SIK3: variants seen among roughly 807,000 people sequenced by gnomAD.
SIK3 encodes the protein SIK family kinase 3, also known as serine/threonine-protein kinase SIK3.
A neutral mutation model predicts 144.2 loss-of-function variants in SIK3; 28 were observed. The ratio of observed to expected loss-of-function variants is 0.19; its 90% CI spans 0.14 to 0.27. SIK3 has a LOEUF of 0.27. Ranked by LOEUF, SIK3 falls within the 10% of genes least tolerant of loss-of-function variation. The probability of loss-of-function intolerance (pLI) is 1.00; values close to 1 mark genes in which losing one functional copy is unlikely to be tolerated. For synonymous variants in SIK3, 686 were observed against 676.3 expected, an observed-to-expected ratio of 1.01 and a Z score of -0.22; for missense variants, 1,319 against 1,776.0, an observed-to-expected ratio of 0.74 and a Z score of 4.62.
At chr11:117,049,596 A>C (rs1432578318) in intron 1 of SIK3, among the ~76,000 whole-genome samples, 2 of 152,080 alleles carry the variant, frequency 1.3e-5, no homozygotes, top group African/African-American at 4.8e-5. Context: ...AGAAAGAAAG[A>C]AGCAAGGAAG....
intron 1 of SIK3, among the ~76,000 whole-genome samples, chr11:116,964,735 G>C (rs981616259): frequency 6.6e-6 from 1 of 152,048 alleles, no homozygotes; most frequent in African/African-American, 2.4e-5. Context: ...ACAAAAATTA[G>C]CCAGGTGTGG....
intron 6 of SIK3, among the ~76,000 whole-genome samples, chr11:116,892,725 C>T (rs1244599910): frequency 2.0e-5 from 3 of 152,146 alleles, no homozygotes; most frequent in Non-Finnish European, 4.4e-5. Flanking sequence ...TAGTGTTTAA[C>T]CAAATGAATT....
intron 1 of SIK3, among the ~76,000 whole-genome samples, chr11:117,057,363 T>C (rs1008471282): frequency 1.3e-5 from 2 of 152,222 alleles, no homozygotes; most frequent in Non-Finnish European, 2.9e-5. Flanking sequence ...AGGGGTTAGA[T>C]TTTGAAATAA....
chr11:116,847,614 G>A lies in SIK3; in HGVS notation c.3820-6C>T, dbSNP rs377170595. 7 of 1,614,006 alleles carry A rather than the reference G, an allele frequency of 4.3e-6. No homozygotes were observed. Among genetic ancestry groups the A allele is most frequent in the African/African-American group, 1.3e-5 (1 of 74,930 alleles). ...GGCAAGTTATCCAGCTGTACCTGCAGAAAACAGTTAAGAGAAGAAATAAGC... is the reference window on the plus strand; with the variant it reads ...GGCAAGTTATCCAGCTGTACCTGCAAAAAACAGTTAAGAGAAGAAATAAGC... On this transcript the variant is annotated splice_polypyrimidine_tract_variant and splice_region_variant and intron_variant, in intron 22 of 24. Coordinates refer to ENST00000445177, the MANE Select transcript of SIK3 (RefSeq NM_001366686.3).
intron 1 of SIK3, among the ~76,000 whole-genome samples, chr11:116,972,019 G>A (rs1359027633): frequency 1.3e-5 from 2 of 151,744 alleles, no homozygotes; most frequent in Admixed American, 6.6e-5. Context: ...CTGGAGGGGC[G>A]GAGGCTGCAG....
Position 116,927,209 on chromosome 11 carries a change from C to G in SIK3, c.616+10G>C, listed in dbSNP as rs750666270. ...TTGTCCCTATCTGACATCCTCAGTACAGTTCTCACCTGCTATTTTGATATT... is the reference window on the plus strand; with the variant it reads ...TTGTCCCTATCTGACATCCTCAGTAGAGTTCTCACCTGCTATTTTGATATT... On this transcript the variant is annotated intron_variant, in intron 4 of 24. Transcript: ENST00000445177. 5 of 1,610,772 alleles carry G rather than the reference C, an allele frequency of 3.1e-6. No individual in the cohort carries two copies. The Admixed American group carries it at 6.7e-5, about 22-fold the overall frequency.
chr11:117,037,020 T>C (rs571638497), intron 1 of SIK3, among the ~76,000 whole-genome samples: 16 of 152,312 alleles, frequency 1.1e-4, no homozygotes, highest in Middle Eastern at 6.8e-3. Flanking sequence ...CTATATATCA[T>C]TTGTTTCTAT....
At chr11:116,945,197 G>A (rs1449539652) in intron 3 of SIK3, among the ~76,000 whole-genome samples, 1 of 151,830 alleles carries the variant, frequency 6.6e-6, no homozygotes, top group Non-Finnish European at 1.5e-5. Context: ...CTGACCTCGT[G>A]ATCCGCCCGC....
intron 9 of SIK3, 195 bp from the exon 10 acceptor site, chr11:116,875,646 C>CA (rs941482792): frequency 4.9e-6 from 4 of 809,998 alleles, no homozygotes; most frequent in East Asian, 2.7e-5. Flanking sequence ...GCTATTTCTT[C>CA]AAAAAAACAA....
At chr11:117,093,722 G>A (rs141365214) in intron 1 of SIK3, among the ~76,000 whole-genome samples, 94 of 151,214 alleles carry the variant, frequency 6.2e-4, no homozygotes, top group African/African-American at 1.9e-3. Flanking sequence ...TTAAAATGCT[G>A]ATTTCATGAG....
intron 3 of SIK3, among the ~76,000 whole-genome samples, chr11:116,947,694 T>C (rs1347964571): frequency 4.0e-5 from 6 of 151,472 alleles, no homozygotes; most frequent in African/African-American, 1.2e-4. Flanking sequence ...GCCTCCCAAG[T>C]AGCTGGGACT....
rs1175202553 is a variant in SIK3 at position 117,091,712 on chromosome 11, G to C, written c.273+6431C>G. ...GTTGTTAAAACTGAACTCCTCCCTT[G>C]TGCCAAGAAATGCATCAGAAAAGGA... On this transcript the variant is annotated intron_variant, in intron 1 of 24. Coordinates refer to ENST00000445177, the MANE Select transcript of SIK3 (RefSeq NM_001366686.3). Among the ~76,000 whole-genome samples the C allele has an allele frequency of 2.0e-5, 3 of 152,268 alleles. No homozygotes were observed. The East Asian group carries it at 5.8e-4, about 29-fold the overall frequency.
chr11:117,032,872 C>T lies in SIK3; in HGVS notation c.273+65271G>A, dbSNP rs148235238. On this transcript the variant is annotated intron_variant, in intron 1 of 24. Coordinates refer to ENST00000445177, the MANE Select transcript of SIK3 (RefSeq NM_001366686.3). The stretch of plus-strand genomic sequence containing the variant: ...CAATAGGCTATATATCATTAATGTC[C>T]GTTTATCAGCAGTATAAAATATCTT... 7.9e-5 allele frequency among the ~76,000 whole-genome samples: 12 copies of T among 151,844 alleles called. No individual in the cohort carries two copies. The East Asian group carries it at 1.9e-3, about 24-fold the overall frequency.
Position 116,846,573 on chromosome 11 carries a change from G to A in SIK3, c.3953-20C>T, listed in dbSNP as rs555198006. On this transcript the variant is annotated intron_variant, in intron 23 of 24. Transcript: ENST00000445177. The surrounding 1 kb of genome is among the most constrained non-coding windows in gnomAD (Gnocchi z 4.1). ...CACATTCTGCAAGACCAAAAAGAACGTATGAGGTTGGCAGGGAACTGGGGG... is the reference window on the plus strand; with the variant it reads ...CACATTCTGCAAGACCAAAAAGAACATATGAGGTTGGCAGGGAACTGGGGG... The A allele has an allele frequency of 8.2e-5, 133 of 1,613,924 alleles. No individual in the cohort carries two copies. Among genetic ancestry groups the A allele is most frequent in the Non-Finnish European group, 1.0e-4 (118 of 1,179,898 alleles).
chr11:117,035,957 A>C, intron 1 of SIK3: 1 of 1,584,056 alleles, frequency 6.3e-7, no homozygotes, highest in Non-Finnish European at 8.6e-7. Flanking sequence ...CACATCCATG[A>C]AGCAGGAATT....
Position 117,093,709 on chromosome 11 carries a change from GT to G in SIK3, c.273+4433del, listed in dbSNP as rs370573035. On this transcript the variant is annotated intron_variant, in intron 1 of 24. Transcript: ENST00000445177. ...AAAAGTTTAACTAATGAAAATTTAT[GT>G]TTTAAAATGCTGATTTCATGAGATT... is the stretch of plus-strand genomic sequence containing the variant. 7.0e-4 allele frequency among the ~76,000 whole-genome samples: 105 copies of G among 151,032 alleles called. 4 individuals carry two copies. In the South Asian group the frequency reaches 0.021, roughly 30 times the overall value.
intron 4 of SIK3, among the ~76,000 whole-genome samples, chr11:116,916,107 G>A (rs1946620127): frequency 6.6e-6 from 1 of 152,104 alleles, no homozygotes; most frequent in Non-Finnish European, 1.5e-5. Context: ...TGAATCTCTT[G>A]GAACACTGAA....
At chr11:117,063,332 G>A (rs1485502561) in intron 1 of SIK3, among the ~76,000 whole-genome samples, 1 of 152,174 alleles carries the variant, frequency 6.6e-6, no homozygotes, top group Non-Finnish European at 1.5e-5. Context: ...CCACAAAGGA[G>A]GGGGAAGATT....
At chr11:116,995,191 C>T (rs535522027) in intron 1 of SIK3, among the ~76,000 whole-genome samples, 8 of 151,128 alleles carry the variant, frequency 5.3e-5, no homozygotes, top group African/African-American at 1.5e-4. Context: ...CGCTTGAACC[C>T]AGGAGGTGGA....
Sources: gnomAD v4.1 joint callset for allele counts (sites outside exome capture counted in the v4.1 genomes callset) on GRCh38, gnomAD v4.1.1 for gene constraint, Gnocchi (gnomAD v3.1) non-coding constraint, MANE v1.5 for transcripts, NCBI Gene and HGNC (gene_info 2026-07-23, HGNC 2026-07-21) for gene names.